Variants in ARHGAP10 observed in about 807,000 individuals in gnomAD.
ARHGAP10 encodes the protein Rho GTPase activating protein 10, also known as rho GTPase-activating protein 10.
Under a neutral mutation model 108.6 loss-of-function variants are expected in ARHGAP10, and 87 were observed. That is an observed-to-expected ratio of 0.80 (90% CI 0.67 to 0.96). The LOEUF is 0.96. Ranked by LOEUF, ARHGAP10 falls within the 40% of genes least tolerant of loss-of-function variation. The pLI, the probability that ARHGAP10 is intolerant of heterozygous loss-of-function variation, is 0.00. For missense variants in ARHGAP10, 939 were observed against 954.5 expected (o/e 0.98, Z 0.21); for synonymous variants, 347 against 341.1 (o/e 1.02, Z -0.19).
At chr4:147,959,664 A>G (rs888573212) in intron 16 of ARHGAP10, among the ~76,000 whole-genome samples, 2 of 152,176 alleles carry the variant, frequency 1.3e-5, no homozygotes, top group South Asian at 4.1e-4. Context: ...GATGGTTTCC[A>G]GCTTCATCCA....
intron 20 of ARHGAP10, among the ~76,000 whole-genome samples, chr4:148,061,759 T>C (rs1729630594): frequency 6.6e-6 from 1 of 152,196 alleles, no homozygotes; most frequent in South Asian, 2.1e-4. Flanking sequence ...TGCTCCGATG[T>C]TGGCTGATGG....
intron 21 of ARHGAP10, among the ~76,000 whole-genome samples, chr4:148,063,743 CT>C (rs1428714393): frequency 1.3e-5 from 2 of 152,224 alleles, no homozygotes; most frequent in African/African-American, 2.4e-5. Flanking sequence ...TCAGGTGCTT[CT>C]TCCTGTCAGT....
chr4:147,846,016 C>T (rs927925273), intron 3 of ARHGAP10, among the ~76,000 whole-genome samples: 1 of 152,140 alleles, frequency 6.6e-6, no homozygotes, highest in African/African-American at 2.4e-5. Context: ...AGTTGTTGCT[C>T]TTAATTCTTT....
At chr4:148,066,279 A>G (rs13138995) in intron 22 of ARHGAP10, among the ~76,000 whole-genome samples, 79,081 of 152,038 alleles carry the variant, frequency 0.52, 22,832 homozygotes, top group East Asian at 0.83. Flanking sequence ...TAGTTTACCC[A>G]TCCTCACATC....
intron 15 of ARHGAP10, 136 bp downstream of exon 15, chr4:147,946,840 C>A: frequency 1.7e-6 from 1 of 572,268 alleles, no homozygotes; most frequent in Non-Finnish European, 2.7e-6. Flanking sequence ...TCAGGTGTCT[C>A]AGTGTCCCAG....
At chr4:147,854,602 TGGG>T in intron 4 of ARHGAP10, 1 of 647,796 alleles carries the variant, frequency 1.5e-6, no homozygotes, top group Non-Finnish European at 1.9e-6. Flanking sequence ...AATGCAGTAT[TGGG>T]GGAAAAAAAA....
chr4:147,925,008 A>G (rs1314945912), intron 13 of ARHGAP10, among the ~76,000 whole-genome samples: 1 of 152,138 alleles, frequency 6.6e-6, no homozygotes, highest in East Asian at 1.9e-4. Context: ...ACATTGGGAA[A>G]TAAATCACCC....
rs368429450 is a variant in ARHGAP10, at chr4:147,962,252, C to T, written c.1451-2772C>T. Among the ~76,000 whole-genome samples the T allele has an allele frequency of 4.9e-4, 75 of 152,278 alleles. 1 individual carries two copies. The South Asian group carries it at 0.015, about 30-fold the overall frequency. ...TCGTCTCTGCCTTCTTCCTTCTGAC[C>T]CACTGCTAGTCTGCTGCTAAAACCT... On this transcript the variant is annotated intron_variant, in intron 16 of 22. Transcript: ENST00000336498.
At chr4:147,770,554 T>C (rs547421869) in intron 1 of ARHGAP10, among the ~76,000 whole-genome samples, 20 of 152,180 alleles carry the variant, frequency 1.3e-4, no homozygotes, top group Non-Finnish European at 2.5e-4. Flanking sequence ...TCACATTGTT[T>C]TATGGCTATA....
In ARHGAP10 at chr4:148,046,326, ACT is replaced by A. The variant is rs145335700; in HGVS notation, c.1868-561_1868-560del. ...CGTGTGGCATTACCACAAAAGCCTA[ACT>A]CTCTTGTAGTACCCTCCCTGATATC... On this transcript the variant is annotated intron_variant, in intron 19 of 22. Coordinates refer to ENST00000336498, the MANE Select transcript of ARHGAP10 (RefSeq NM_024605.4). 6.9e-3 allele frequency among the ~76,000 whole-genome samples: 1,046 copies of A among 152,186 alleles called. 15 individuals are homozygous for A. The highest frequency in any genetic ancestry group is 0.023 in the African/African-American group (971 of 41,524).
chr4:148,046,876 CT>C lies in ARHGAP10; in HGVS notation c.1868-9del. ...CCAGGTATTTGTTTGATATTCAATG[CT>C]TTTTTTCCTCCTAGGTGACAATCCT... On this transcript the variant is annotated splice_polypyrimidine_tract_variant and intron_variant, in intron 19 of 22. Coordinates refer to ENST00000336498, the MANE Select transcript of ARHGAP10 (RefSeq NM_024605.4). 5 of 1,604,216 alleles carry C rather than the reference CT, an allele frequency of 3.1e-6. No individual in the cohort carries two copies. Among genetic ancestry groups the C allele is most frequent in the Non-Finnish European group, 4.3e-6 (5 of 1,174,410 alleles).
chr4:147,997,070 G>A (rs1740505191), intron 18 of ARHGAP10, among the ~76,000 whole-genome samples: 2 of 152,238 alleles, frequency 1.3e-5, no homozygotes, highest in South Asian at 4.1e-4. Flanking sequence ...AGGCAAAACT[G>A]TAGTGCACGG....
At chr4:147,981,446 A>G (rs1173890243) in intron 18 of ARHGAP10, among the ~76,000 whole-genome samples, 3 of 152,150 alleles carry the variant, frequency 2.0e-5, no homozygotes, top group African/African-American at 7.2e-5. Context: ...TCAGTTTTTA[A>G]AAAGTATATT....
At chr4:147,857,757 T>C (rs1489702861) in intron 5 of ARHGAP10, 103 bp downstream of exon 5, 3 of 1,039,640 alleles carry the variant, frequency 2.9e-6, no homozygotes, top group East Asian at 3.6e-5. Flanking sequence ...TGGCATTATA[T>C]AGAGATAACA....
intron 1 of ARHGAP10, among the ~76,000 whole-genome samples, chr4:147,763,777 CAG>C (rs1215910668): frequency 5.2e-5 from 3 of 57,322 alleles, no homozygotes; most frequent in African/African-American, 1.7e-4. Context: ...TTTTTAAAAA[CAG>C]AGTTTTGCTG....
At chr4:148,025,803 AT>A (rs1034528082) in intron 19 of ARHGAP10, among the ~76,000 whole-genome samples, 2 of 152,080 alleles carry the variant, frequency 1.3e-5, no homozygotes, top group Non-Finnish European at 2.9e-5. Context: ...AAAAAGTTTA[AT>A]TTTTTTGTAT....
chr4:147,779,300 G>T (rs961494069), intron 1 of ARHGAP10, among the ~76,000 whole-genome samples: 3 of 152,170 alleles, frequency 2.0e-5, no homozygotes, highest in Non-Finnish European at 4.4e-5. Flanking sequence ...CTTGGCAGGT[G>T]TGCACTGCGT....
At chr4:147,940,169 G>A (rs1027406419) in intron 14 of ARHGAP10, among the ~76,000 whole-genome samples, 2 of 152,196 alleles carry the variant, frequency 1.3e-5, no homozygotes, top group Non-Finnish European at 2.9e-5. Context: ...ACAGGGAAGT[G>A]GCAGTCAGGC....
intron 1 of ARHGAP10, among the ~76,000 whole-genome samples, chr4:147,734,753 G>A (rs1186217888): frequency 6.6e-6 from 1 of 152,150 alleles, no homozygotes; most frequent in East Asian, 1.9e-4. Flanking sequence ...GGCTTGATGA[G>A]GTTATTTGAA....
Sources: gnomAD v4.1 joint callset for allele counts (sites outside exome capture counted in the v4.1 genomes callset) on GRCh38, gnomAD v4.1.1 for gene constraint, MANE v1.5 for transcripts, NCBI Gene and HGNC (gene_info 2026-07-23, HGNC 2026-07-21) for gene names.